The following FGF10 variants were observed in gnomAD, a reference collection of about 807,000 sequenced individuals.
FGF10 encodes the protein FGF-10.
Under a neutral mutation model 19.8 loss-of-function variants are expected in FGF10, and 2 were observed. The ratio of observed to expected loss-of-function variants is 0.10; its 90% CI spans 0.04 to 0.32. The LOEUF (loss-of-function observed/expected upper bound fraction) is 0.32, where lower values mean the gene tolerates loss of function less well. Among genes scored for constraint, FGF10 ranks in the 10% least tolerant of loss-of-function variants. The probability of loss-of-function intolerance (pLI) is 1.00; values close to 1 mark genes in which losing one functional copy is unlikely to be tolerated. For missense variants in FGF10, 191 were observed against 246.3 expected (o/e 0.78, Z 1.50); for synonymous variants, 112 against 94.0 (o/e 1.19, Z -1.10).
intron 1 of FGF10, among the ~76,000 whole-genome samples, chr5:44,341,105 C>T (rs191263289): frequency 1.2e-3 from 179 of 151,932 alleles, no homozygotes; most frequent in African/African-American, 4.2e-3. Flanking sequence ...TCAGTTCTAG[C>T]GTAAAAGTTT....
intron 1 of FGF10, among the ~76,000 whole-genome samples, chr5:44,378,070 G>GA (rs1741905938): frequency 1.4e-5 from 2 of 145,194 alleles, no homozygotes; most frequent in Non-Finnish European, 1.5e-5. Context: ...CTATTACAGT[G>GA]AAAAAATCAT....
chr5:44,332,699 G>T (rs1740763329), intron 1 of FGF10, among the ~76,000 whole-genome samples: 1 of 152,138 alleles, frequency 6.6e-6, no homozygotes, highest in African/African-American at 2.4e-5. Flanking sequence ...TTTCAGTGCT[G>T]CTGGTCCTAG....
At chr5:44,354,163 G>A (rs887680247) in intron 1 of FGF10, among the ~76,000 whole-genome samples, 4 of 150,926 alleles carry the variant, frequency 2.7e-5, no homozygotes, top group Admixed American at 6.6e-5. Flanking sequence ...GAATATACTA[G>A]ATCCTTAAGT....
At chr5:44,306,777 T>C (rs2111673419) in intron 2 of FGF10, among the ~76,000 whole-genome samples, 1 of 152,286 alleles carries the variant, frequency 6.6e-6, no homozygotes, top group East Asian at 1.9e-4. Context: ...TTCTATAAAG[T>C]AATATTTAAA....
chr5:44,379,963 C>A (rs1266588025), intron 1 of FGF10, among the ~76,000 whole-genome samples: 1 of 152,138 alleles, frequency 6.6e-6, no homozygotes, highest in Non-Finnish European at 1.5e-5. Context: ...CATATTTGAG[C>A]TCTAAAACAC....
At chr5:44,329,392 G>A (rs749130191) in intron 1 of FGF10, among the ~76,000 whole-genome samples, 2 of 152,058 alleles carry the variant, frequency 1.3e-5, no homozygotes, top group Non-Finnish European at 2.9e-5. Flanking sequence ...TGTCAGGCTG[G>A]TCTCAAACTT....
chr5:44,377,388 A>C (rs966290672), intron 1 of FGF10, among the ~76,000 whole-genome samples: 1 of 152,240 alleles, frequency 6.6e-6, no homozygotes, highest in Admixed American at 6.5e-5. Flanking sequence ...GAGAAACAAA[A>C]AACAACTACC....
chr5:44,388,888 G>T lies in FGF10; in HGVS notation c.-206C>A, dbSNP rs1286586742. ...CTCCCCTCGCTCCTTTCTCGGATCC[G>T]CTGCCTACGCCTCTGGAGCCTCCCG... is the stretch of plus-strand genomic sequence containing the variant. On this transcript the variant is annotated 5_prime_UTR_variant, in exon 1 of 3. Transcript: ENST00000264664. 6.3e-6 allele frequency: 4 copies of T among 638,422 alleles called. No homozygotes were observed. The highest frequency in any genetic ancestry group is 8.6e-6 in the Non-Finnish European group (3 of 350,802). 39.5% of individuals were successfully genotyped at this position (638,422 alleles called of 1,614,324 possible).
At chr5:44,381,887 T>C (rs913900941) in intron 1 of FGF10, among the ~76,000 whole-genome samples, 1 of 152,312 alleles carries the variant, frequency 6.6e-6, no homozygotes, top group Middle Eastern at 3.4e-3. Context: ...TTAGGTTTAG[T>C]TGACAATTCT....
In FGF10 at chr5:44,302,073, CA is replaced by C. The variant is rs199824351; in HGVS notation, c.*2921del. 3.1e-3 allele frequency among the ~76,000 whole-genome samples: 468 copies of C among 148,978 alleles called. 4 individuals carry two copies. The highest frequency in any genetic ancestry group is 0.014 in the Middle Eastern group (4 of 284). ...ACAGAGGCAGATCTCTCAATAGCTC[CA>C]ATTTTTTTTTTTTTCAAATCTACAA... On this transcript the variant is annotated 3_prime_UTR_variant, in exon 3 of 3. Coordinates refer to ENST00000264664, the MANE Select transcript of FGF10 (RefSeq NM_004465.2).
At chr5:44,386,089 C>T (rs1318731831) in intron 1 of FGF10, among the ~76,000 whole-genome samples, 1 of 151,908 alleles carries the variant, frequency 6.6e-6, no homozygotes, top group African/African-American at 2.4e-5. Context: ...ATATTTTGGA[C>T]AGTTAGGATG....
intron 1 of FGF10, among the ~76,000 whole-genome samples, chr5:44,336,813 A>C (rs1003152910): frequency 2.6e-5 from 4 of 152,186 alleles, no homozygotes; most frequent in African/African-American, 9.7e-5. Context: ...CTTGTTTTGC[A>C]TATTTCAGAA....
At chr5:44,310,916 T>C (rs1740196591) in intron 1 of FGF10, among the ~76,000 whole-genome samples, 1 of 152,224 alleles carries the variant, frequency 6.6e-6, no homozygotes, top group East Asian at 1.9e-4. Context: ...ATCTGTACTA[T>C]GGTATTAAAT....
At chr5:44,358,262 A>G (rs1159412544) in intron 1 of FGF10, among the ~76,000 whole-genome samples, 1 of 151,502 alleles carries the variant, frequency 6.6e-6, no homozygotes, top group Non-Finnish European at 1.5e-5. Flanking sequence ...GATGGCTTCC[A>G]GTGCCACAAT....
chr5:44,375,997 T>A (rs1171801214), intron 1 of FGF10, among the ~76,000 whole-genome samples: 1 of 152,152 alleles, frequency 6.6e-6, no homozygotes, highest in African/African-American at 2.4e-5. Context: ...CTGCTGAAGT[T>A]TTTATTATTC....
At chr5:44,376,711 A>G (rs1338877095) in intron 1 of FGF10, among the ~76,000 whole-genome samples, 1 of 151,932 alleles carries the variant, frequency 6.6e-6, no homozygotes, top group Non-Finnish European at 1.5e-5. Flanking sequence ...TTTAGTGAAG[A>G]GCAGAAGAAC....
chr5:44,334,821 G>C lies in FGF10; in HGVS notation c.326-24291C>G, dbSNP rs534782786. ...ATTGTTTAGTCAGCTGACAAATAAA[G>C]ATACTTGCATAAACAAGCCCAGGAA... On this transcript the variant is annotated intron_variant, in intron 1 of 2. Coordinates refer to ENST00000264664, the MANE Select transcript of FGF10 (RefSeq NM_004465.2). Among the ~76,000 whole-genome samples the C allele has an allele frequency of 3.9e-5, 6 of 152,210 alleles. No homozygotes were observed. In the East Asian group the frequency reaches 1.2e-3, roughly 29 times the overall value.
chr5:44,307,587 T>C (rs1308403799), intron 2 of FGF10, among the ~76,000 whole-genome samples: 2 of 152,154 alleles, frequency 1.3e-5, no homozygotes, highest in Admixed American at 1.3e-4. Flanking sequence ...AGAGAATAGA[T>C]ATAAAACTGG....
intron 1 of FGF10, among the ~76,000 whole-genome samples, chr5:44,378,463 G>A (rs1212176683): frequency 1.3e-5 from 2 of 152,218 alleles, no homozygotes; most frequent in South Asian, 2.1e-4. Context: ...ACAGAGTCTC[G>A]CTCTGTCGCC....
Sources: allele counts gnomAD v4.1 joint callset (sites outside exome capture counted in the v4.1 genomes callset), GRCh38; gene constraint gnomAD v4.1.1; transcripts MANE v1.5; gene names NCBI Gene and HGNC (gene_info 2026-07-23, HGNC 2026-07-21).